USP40: variants seen among roughly 807,000 people sequenced by gnomAD.
USP40 encodes ubiquitin carboxyl-terminal hydrolase 40.
USP40 carries 143 observed loss-of-function variants against 166.2 expected under a neutral mutation model. The observed-to-expected ratio is 0.86, with a 90% CI of 0.75 to 0.99. The LOEUF (loss-of-function observed/expected upper bound fraction) is 0.99. Ranked by LOEUF, USP40 falls within the 50% of genes least tolerant of loss-of-function variation. The pLI is 0.00. For missense variants in USP40, 1,444 were observed against 1,479.7 expected, an observed-to-expected ratio of 0.98 and a Z score of 0.40; for synonymous variants, 498 against 524.0, an observed-to-expected ratio of 0.95 and a Z score of 0.68.
chr2:233,555,675 C>T (rs1173337350), intron 5 of USP40, among the ~76,000 whole-genome samples: 1 of 147,324 alleles, frequency 6.8e-6, no homozygotes, highest in Non-Finnish European at 1.5e-5. Context: ...CTTGCTCTGC[C>T]ACCAGGCTGG....
chr2:233,520,286 C>T (rs935810761), intron 17 of USP40, among the ~76,000 whole-genome samples: 1 of 152,100 alleles, frequency 6.6e-6, no homozygotes, highest in Non-Finnish European at 1.5e-5. Context: ...TCATAAAGGA[C>T]TTCACCAAAG....
At chr2:233,494,979 T>TATAC (rs1197969295) in intron 24 of USP40, among the ~76,000 whole-genome samples, 76 of 74,902 alleles carry the variant, frequency 1.0e-3, no homozygotes, top group African/African-American at 3.2e-3. Context: ...TATATATATA[T>TATAC]ACACACACAT....
At chr2:233,549,638 G>A (rs999740147) in intron 7 of USP40, among the ~76,000 whole-genome samples, 33 of 52,870 alleles carry the variant, frequency 6.2e-4, no homozygotes, top group African/African-American at 2.7e-3. Context: ...CTTTTAAAAT[G>A]CATCCCCTTT....
At chr2:233,512,274 C>T (rs1285491224) in intron 19 of USP40, 1 of 210,788 alleles carries the variant, frequency 4.7e-6, no homozygotes, top group East Asian at 1.1e-4. Flanking sequence ...CAATAAAATT[C>T]ACAAAAAAAT....
rs573133973 is a variant in USP40, at chr2:233,477,053, C to T, written c.*339G>A. ...CTCCCACAGCGGAGCAACGGCATGC[C>T]GCTGCCTCCATACCTGCGGTTCACG... is the stretch of plus-strand genomic sequence containing the variant. On this transcript the variant is annotated 3_prime_UTR_variant, in exon 32 of 32. Transcript: ENST00000678225. The T allele has an allele frequency of 8.4e-6, 3 of 356,780 alleles. No individual in the cohort carries two copies. Among genetic ancestry groups the T allele is most frequent in the South Asian group, 6.6e-5 (3 of 45,394 alleles). The allele number at this position is 356,780 out of a possible 1,614,324, so 22.1% of individuals were successfully genotyped here.
At chr2:233,510,228 C>T (rs1392852640) in intron 20 of USP40, 93 bp from the exon 21 acceptor site, 4 of 915,446 alleles carry the variant, frequency 4.4e-6, no homozygotes, top group East Asian at 2.7e-5. Flanking sequence ...AAGCCAAGGG[C>T]CCATGAAACT....
intron 30 of USP40, among the ~76,000 whole-genome samples, chr2:233,485,191 T>A (rs1575214606): frequency 2.0e-5 from 3 of 152,330 alleles, no homozygotes; most frequent in South Asian, 4.1e-4. Flanking sequence ...CCTCCTCACA[T>A]TCCTTGGATA....
intron 21 of USP40, among the ~76,000 whole-genome samples, chr2:233,502,521 A>C (rs1228271204): frequency 6.6e-6 from 1 of 152,198 alleles, no homozygotes; most frequent in East Asian, 1.9e-4. Flanking sequence ...TGGATTTTGC[A>C]ATCTGGCAGT....
At chr2:233,477,576 C>A in intron 31 of USP40, 73 bp from the exon 32 acceptor site, 2 of 1,243,746 alleles carry the variant, frequency 1.6e-6, no homozygotes, top group Non-Finnish European at 1.2e-6. Context: ...ACGAAGACCC[C>A]AAAATACACT....
Position 233,477,151 on chromosome 2 carries a change from G to GC in USP40, c.*240dup. ...GCCGGGTGCTGTGTGAGAGAGCCCAGCACCTACTGGCAGCTGGGTGGGCGA... is the reference window on the plus strand; with the variant it reads ...GCCGGGTGCTGTGTGAGAGAGCCCAGCCACCTACTGGCAGCTGGGTGGGCGA... On this transcript the variant is annotated 3_prime_UTR_variant, in exon 32 of 32. Transcript: ENST00000678225. The GC allele has an allele frequency of 1.9e-6, 1 of 530,270 alleles. No individual in the cohort carries two copies. Among genetic ancestry groups the GC allele is most frequent in the South Asian group, 2.0e-5 (1 of 50,458 alleles). The allele number at this position is 530,270 out of a possible 1,614,324, so 32.8% of individuals were successfully genotyped here.
Position 233,540,693 on chromosome 2 carries a change from T to A in USP40, c.1139A>T (p.Lys380Met). 8 of 1,613,002 alleles carry A rather than the reference T, an allele frequency of 5.0e-6. No individual in the cohort carries two copies. Among genetic ancestry groups the A allele is most frequent in the Non-Finnish European group, 6.8e-6 (8 of 1,179,306 alleles). The change falls in exon 10 of 32, where the codon AAG (lysine) becomes ATG (methionine). Residue 380 changes from lysine to methionine, a missense_variant. Physicochemically the swap from Lys to Met is moderately conservative, Grantham distance 95. Transcript: ENST00000678225. ...LKKIGISWNK[K>M]YRKQHGPLRK... Reference sequence around the variant, plus strand: ...CAGTGGTCCATGCTGTTTTCTGTACTTCTTGTTCCAAGATATTCCTATCTT... The same window carrying A: ...CAGTGGTCCATGCTGTTTTCTGTACATCTTGTTCCAAGATATTCCTATCTT...
intron 16 of USP40, among the ~76,000 whole-genome samples, chr2:233,521,857 A>C (rs1344574737): frequency 6.6e-6 from 1 of 152,212 alleles, no homozygotes; most frequent in African/African-American, 2.4e-5. Flanking sequence ...AATAGTGAAA[A>C]ACTGTATGAT....
chr2:233,494,956 TTATATATATATATATATA>T (rs71058559), intron 24 of USP40, among the ~76,000 whole-genome samples: 1 of 35,500 alleles, frequency 2.8e-5, no homozygotes, highest in Non-Finnish European at 5.1e-5. Context: ...ATATATATAT[TTATATATATATATATATA>T]TATATACACA....
At chr2:233,510,390 TTC>T (rs1264752164) in intron 20 of USP40, among the ~76,000 whole-genome samples, 159 of 139,286 alleles carry the variant, frequency 1.1e-3, no homozygotes, top group Non-Finnish European at 1.6e-3. Flanking sequence ...TTCTTTTTCT[TTC>T]TTTTTTTTTT....
rs762514104 is a variant in USP40 at position 233,523,233 on chromosome 2, A to T, written c.2138T>A (p.Phe713Tyr). 6.2e-7 allele frequency: 1 copy of T among 1,613,942 alleles called. No homozygotes were observed. Among genetic ancestry groups the T allele is most frequent in the Non-Finnish European group, 8.5e-7 (1 of 1,179,870 alleles). Reference sequence around the variant, plus strand: ...TCCATTTCTGAGCCCTTGCTCCCTGAACGTCTTCCTCATGTCTTCCTTGGG... The same window carrying T: ...TCCATTTCTGAGCCCTTGCTCCCTGTACGTCTTCCTCATGTCTTCCTTGGG... ...AIPKEDMRKTFREQGLRNGSS... is the reference protein window; with the variant it reads ...AIPKEDMRKTYREQGLRNGSS... The change falls in exon 16 of 32, where the codon TTC (phenylalanine) becomes TAC (tyrosine). Residue 713 changes from phenylalanine to tyrosine, a missense_variant. Transcript: ENST00000678225.
intron 9 of USP40, among the ~76,000 whole-genome samples, chr2:233,541,689 T>G (rs1479417597): frequency 6.6e-6 from 1 of 152,212 alleles, no homozygotes. Flanking sequence ...TAAGGATGAA[T>G]GAATAAATGA....
chr2:233,487,071 C>T (rs78063332), intron 28 of USP40, among the ~76,000 whole-genome samples: 2,521 of 152,296 alleles, frequency 0.017, 69 homozygotes, highest in African/African-American at 0.057. Context: ...AGGCACTGTG[C>T]CTATCAAAAC....
Position 233,480,045 on chromosome 2 carries a change from G to A in USP40, c.3599+1158C>T, listed in dbSNP as rs1313636095. Among the ~76,000 whole-genome samples, 1 of 152,032 alleles carries A rather than the reference G, an allele frequency of 6.6e-6. No homozygotes were observed. The highest frequency in any genetic ancestry group is 1.5e-5 in the Non-Finnish European group (1 of 68,000). On this transcript the variant is annotated intron_variant, in intron 31 of 31. Transcript: ENST00000678225. This position sits in a 1 kb window ranked among gnomAD's most constrained non-coding sequence, Gnocchi z 4.5. ...AAGCAGCCAGTGATCATGTCAACGCGTCCCCCTTCACACCCTCCAGCAGCC... is the reference window on the plus strand; with the variant it reads ...AAGCAGCCAGTGATCATGTCAACGCATCCCCCTTCACACCCTCCAGCAGCC...
intron 2 of USP40, among the ~76,000 whole-genome samples, chr2:233,563,955 C>T (rs1450386559): frequency 6.6e-6 from 1 of 152,160 alleles, no homozygotes; most frequent in Admixed American, 6.5e-5. Flanking sequence ...GTTTCTACTT[C>T]GAGTTGTCCT....
Sources: gnomAD v4.1 joint callset for allele counts (sites outside exome capture counted in the v4.1 genomes callset) on GRCh38, gnomAD v4.1.1 for gene constraint, Gnocchi (gnomAD v3.1) non-coding constraint, MANE v1.5 for transcripts, NCBI Gene and HGNC (gene_info 2026-07-23, HGNC 2026-07-21) for gene names.